Variants in RYR2 observed in about 807,000 individuals in gnomAD.
The protein encoded by RYR2 is ryanodine receptor 2, also known as cardiac muscle ryanodine receptor-calcium release channel.
RYR2 carries 227 observed loss-of-function variants against 601.1 expected under a neutral mutation model. That is an observed-to-expected ratio of 0.38 (90% confidence interval 0.34 to 0.42). RYR2 has a LOEUF of 0.42. RYR2 is among the 10% of genes least tolerant of loss of function. The pLI is 1.00. For missense variants in RYR2, 4,646 were observed against 6,156.5 expected (o/e 0.75, Z 8.21); for synonymous variants, 2,223 against 2,175.1 (o/e 1.02, Z -0.61).
chr1:237,762,617 G>A (rs1170545042), intron 84 of RYR2, among the ~76,000 whole-genome samples: 4 of 152,170 alleles, frequency 2.6e-5, no homozygotes, highest in African/African-American at 9.7e-5. Flanking sequence ...TCGTCAGGCG[G>A]ATATGGGTTG....
At chr1:237,054,749 TAA>T (rs771773063) in intron 1 of RYR2, among the ~76,000 whole-genome samples, 1 of 152,164 alleles carries the variant, frequency 6.6e-6, no homozygotes, top group East Asian at 1.9e-4. Flanking sequence ...ATTTTTACTT[TAA>T]AAAAAGTTAC....
intron 100 of RYR2, among the ~76,000 whole-genome samples, chr1:237,816,423 C>T (rs372893953): frequency 3.9e-5 from 6 of 152,120 alleles, no homozygotes; most frequent in Admixed American, 3.3e-4. Context: ...GGTGACTCAA[C>T]GCCAGTAATC....
chr1:237,779,204 C>T (rs796896932), intron 88 of RYR2, among the ~76,000 whole-genome samples: 19 of 152,174 alleles, frequency 1.2e-4, no homozygotes, highest in African/African-American at 2.9e-4. Context: ...CTCAGTAGGG[C>T]GATGCTTACC....
At chr1:237,091,963 G>T (rs1376487049) in intron 1 of RYR2, among the ~76,000 whole-genome samples, 2 of 152,168 alleles carry the variant, frequency 1.3e-5, no homozygotes, top group Non-Finnish European at 2.9e-5. Context: ...AACAGGGGAT[G>T]GGTTAAAAAT....
chr1:237,476,594 A>T (rs6429020), intron 17 of RYR2, among the ~76,000 whole-genome samples: 74,930 of 150,410 alleles, frequency 0.5, 19,775 homozygotes, highest in East Asian at 0.7. Context: ...TCATGTACAG[A>T]ACAACTTGTG....
chr1:237,463,380 A>T (rs1558862030), intron 16 of RYR2, among the ~76,000 whole-genome samples: 1 of 151,996 alleles, frequency 6.6e-6, no homozygotes, highest in Non-Finnish European at 1.5e-5. Context: ...TTTAATCTAA[A>T]TTTTTCTGTA....
intron 56 of RYR2, among the ~76,000 whole-genome samples, chr1:237,663,858 A>C (rs897061476): frequency 1.3e-5 from 2 of 152,188 alleles, no homozygotes; most frequent in African/African-American, 4.8e-5. Flanking sequence ...TATAATTTGC[A>C]TATGTAAGAC....
intron 101 of RYR2, among the ~76,000 whole-genome samples, chr1:237,820,162 G>A (rs1662291616): frequency 6.9e-6 from 1 of 145,910 alleles, no homozygotes; most frequent in South Asian, 2.2e-4. Context: ...ACTCTAGCCT[G>A]GGTGACAAGA....
Position 237,772,075 on chromosome 1 carries a change from C to G in RYR2, c.11621C>G (p.Thr3874Ser). ...ACAACTGTCAACATAATTATCTCCA[C>G]TGTAGACTACCTACTGAGAGTTCAG... is the stretch of plus-strand genomic sequence containing the variant. ...NNTTVNIIISTVDYLLRVQES... is the reference protein window; with the variant it reads ...NNTTVNIIISSVDYLLRVQES... Residue 3874 changes from threonine (T) to serine (S), a missense_variant, in exon 86 of 105, where the codon ACT becomes AGT. Coordinates refer to ENST00000366574, the MANE Select transcript of RYR2 (RefSeq NM_001035.3). 6.5e-7 allele frequency: 1 copy of G among 1,539,492 alleles called. No homozygotes were observed. The highest frequency in any genetic ancestry group is 8.8e-7 in the Non-Finnish European group (1 of 1,130,528).
chr1:237,378,691 C>T (rs1701221013), intron 8 of RYR2, among the ~76,000 whole-genome samples: 1 of 152,154 alleles, frequency 6.6e-6, no homozygotes, highest in African/African-American at 2.4e-5. Flanking sequence ...GTAGTTGATA[C>T]CCCCTTTGTT....
intron 2 of RYR2, among the ~76,000 whole-genome samples, chr1:237,278,245 ATTTTTT>A (rs71561863): frequency 9.0e-5 from 6 of 67,000 alleles, no homozygotes; most frequent in Non-Finnish European, 1.6e-4. Flanking sequence ...TAATTTTTGT[ATTTTTT>A]TTTTTTTTTT....
chr1:237,097,794 G>T (rs145150527), intron 1 of RYR2, among the ~76,000 whole-genome samples: 5 of 152,218 alleles, frequency 3.3e-5, no homozygotes, highest in East Asian at 1.9e-4. Context: ...TTCCCAGTCC[G>T]TGTCACCCCC....
chr1:237,480,261 A>G (rs1269269820), intron 17 of RYR2, among the ~76,000 whole-genome samples: 1 of 151,962 alleles, frequency 6.6e-6, no homozygotes, highest in Non-Finnish European at 1.5e-5. Flanking sequence ...TGTACTAAAA[A>G]TACAAAAATC....
chr1:237,523,140 T>G (rs764204513), intron 24 of RYR2, among the ~76,000 whole-genome samples: 8 of 152,208 alleles, frequency 5.3e-5, no homozygotes, highest in Non-Finnish European at 1.0e-4. Context: ...ATTGCTCCCA[T>G]TTTAAAACCT....
intron 29 of RYR2, among the ~76,000 whole-genome samples, chr1:237,569,834 A>G (rs934202242): frequency 5.3e-5 from 8 of 152,172 alleles, no homozygotes; most frequent in Non-Finnish European, 1.0e-4. Flanking sequence ...TCTAAGACAG[A>G]AAAATGCAGA....
At chr1:237,636,097 T>C (rs1317902195) in intron 44 of RYR2, among the ~76,000 whole-genome samples, 2 of 152,132 alleles carry the variant, frequency 1.3e-5, no homozygotes, top group Non-Finnish European at 1.5e-5. Context: ...AATATTTGTA[T>C]ATTCTGTACA....
chr1:237,816,867 G>C (rs1429390684), intron 100 of RYR2, among the ~76,000 whole-genome samples: 1 of 152,096 alleles, frequency 6.6e-6, no homozygotes, highest in Non-Finnish European at 1.5e-5. Flanking sequence ...AGTAGCTTCA[G>C]GATATTTTTT....
chr1:237,339,101 T>C (rs933665987), intron 3 of RYR2, among the ~76,000 whole-genome samples: 1 of 152,048 alleles, frequency 6.6e-6, no homozygotes, highest in African/African-American at 2.4e-5. Context: ...TTAAACTCCA[T>C]TAAAATACAG....
chr1:237,062,725 A>C (rs1041233945), intron 1 of RYR2, among the ~76,000 whole-genome samples: 1 of 152,096 alleles, frequency 6.6e-6, no homozygotes, highest in Non-Finnish European at 1.5e-5. Flanking sequence ...TGTACTTCCC[A>C]GGATCTTTGT....
Sources: allele counts gnomAD v4.1 joint callset (sites outside exome capture counted in the v4.1 genomes callset), GRCh38; gene constraint gnomAD v4.1.1; transcripts MANE v1.5; gene names NCBI Gene and HGNC (gene_info 2026-07-23, HGNC 2026-07-21).